The following RFC3 variants were observed in gnomAD, a reference collection of about 807,000 sequenced individuals.
RFC3 encodes the protein replication factor C subunit 3.
RFC3 carries 41 observed loss-of-function variants against 45.1 expected under a neutral mutation model. The observed-to-expected ratio is 0.91, with a 90% CI of 0.71 to 1.18. The LOEUF (loss-of-function observed/expected upper bound fraction) is 1.18. Ranked by LOEUF, RFC3 falls within the 50% of genes most tolerant of loss-of-function variation. The pLI is 0.00. For missense variants in RFC3, 423 were observed against 428.1 expected (o/e 0.99, Z 0.10); for synonymous variants, 149 against 144.0 (o/e 1.03, Z -0.25).
intron 8 of RFC3, among the ~76,000 whole-genome samples, chr13:33,945,880 T>C (rs911078466): frequency 2.0e-5 from 3 of 152,238 alleles, no homozygotes; most frequent in African/African-American, 7.2e-5. Flanking sequence ...CGGGACATCT[T>C]GGAGTCATCT....
intron 8 of RFC3, among the ~76,000 whole-genome samples, chr13:33,911,210 A>G (rs939277064): frequency 2.6e-5 from 4 of 152,076 alleles, no homozygotes. Context: ...CCTCTGTTGA[A>G]CTGAATAGAC....
chr13:33,834,668 A>G (rs1039628369), intron 7 of RFC3, among the ~76,000 whole-genome samples: 1 of 152,010 alleles, frequency 6.6e-6, no homozygotes, highest in Non-Finnish European at 1.5e-5. Flanking sequence ...TCACCTATGT[A>G]ATTGACTTTT....
intron 2 of RFC3, among the ~76,000 whole-genome samples, chr13:33,821,649 A>T (rs909998926): frequency 2.0e-5 from 3 of 152,206 alleles, no homozygotes; most frequent in Non-Finnish European, 4.4e-5. Flanking sequence ...ACATGGTATC[A>T]AGTGACTTGG....
chr13:33,835,992 C>CA, intron 8 of RFC3, 112 bp from the exon 9 acceptor site: 1 of 1,096,872 alleles, frequency 9.1e-7, no homozygotes, highest in Non-Finnish European at 1.3e-6. Context: ...TTAAAGATCT[C>CA]ACACATATAA....
chr13:33,892,812 C>T (rs528687702), intron 8 of RFC3, among the ~76,000 whole-genome samples: 1 of 152,156 alleles, frequency 6.6e-6, no homozygotes, highest in Non-Finnish European at 1.5e-5. Context: ...GAGACAGTCC[C>T]TGGGGCCACA....
chr13:33,928,641 G>A (rs1435637632), intron 8 of RFC3, among the ~76,000 whole-genome samples: 1 of 152,156 alleles, frequency 6.6e-6, no homozygotes, highest in Non-Finnish European at 1.5e-5. Context: ...ATAGGTGGAT[G>A]TGTGCTAGAT....
intron 8 of RFC3, among the ~76,000 whole-genome samples, chr13:33,961,863 G>A (rs2083059294): frequency 6.6e-6 from 1 of 151,998 alleles, no homozygotes. Context: ...AGGATAATGT[G>A]AATTTGACAG....
At chr13:33,923,660 A>G (rs896622602) in intron 8 of RFC3, among the ~76,000 whole-genome samples, 6 of 152,154 alleles carry the variant, frequency 3.9e-5, no homozygotes, top group South Asian at 4.1e-4. Flanking sequence ...GGGAAAGACA[A>G]CCACAGGAGG....
chr13:33,831,203 A>G, intron 6 of RFC3, 53 bp from the exon 7 acceptor site: 3 of 1,134,860 alleles, frequency 2.6e-6, no homozygotes, highest in Admixed American at 1.7e-5. Flanking sequence ...CTCCTGTTTT[A>G]GGACATAAGC....
intron 2 of RFC3, among the ~76,000 whole-genome samples, chr13:33,821,959 T>A (rs2082007536): frequency 6.6e-6 from 1 of 152,264 alleles, no homozygotes; most frequent in Non-Finnish European, 1.5e-5. Context: ...GTATTTGTTT[T>A]GACTGTATGT....
rs765099642 is a variant in RFC3, at chr13:33,818,190, GGTGGA to G, written c.13_17del (p.Val5GlnfsTer28). ...GAACTCGAGCTGCCATGAGCCTCTG[GGTGGA>G]CAAGTATCGGCCCTGCTCCTTGGGA... On this transcript the variant is annotated frameshift_variant, in exon 1 of 9. Transcript: ENST00000380071. LOFTEE classifies it high-confidence loss of function. 5 of 1,613,634 alleles carry G rather than the reference GGTGGA, an allele frequency of 3.1e-6. No homozygotes were observed. The highest frequency in any genetic ancestry group is 4.2e-6 in the Non-Finnish European group (5 of 1,179,944).
chr13:33,832,220 A>G (rs750439471), intron 7 of RFC3, among the ~76,000 whole-genome samples: 1 of 152,182 alleles, frequency 6.6e-6, no homozygotes, highest in African/African-American at 2.4e-5. Flanking sequence ...GCTAAAGCAC[A>G]GTCTCATATC....
rs554578605 is a variant in RFC3, at chr13:33,869,040, G to A, written c.879+33823G>A. On this transcript the variant is annotated intron_variant, in intron 8 of 8. Coordinates refer to the RFC3 transcript ENST00000434425. ...GGGCAGTGGCTAGTGTCAGAATCCT[G>A]GAGGCAAGAACAGGAGGTGTCTGGT... Among the ~76,000 whole-genome samples the A allele has an allele frequency of 1.9e-3, 293 of 152,312 alleles. 1 individual carries two copies. Among genetic ancestry groups the A allele is most frequent in the Middle Eastern group, 6.8e-3 (2 of 294 alleles).
intron 8 of RFC3, among the ~76,000 whole-genome samples, chr13:33,940,575 T>G (rs1005317952): frequency 1.2e-4 from 19 of 152,316 alleles, no homozygotes; most frequent in Admixed American, 1.2e-3. Flanking sequence ...GTCATAGCCA[T>G]TATCTTACTA....
chr13:33,880,948 C>T (rs1290065902), intron 8 of RFC3, among the ~76,000 whole-genome samples: 4 of 151,942 alleles, frequency 2.6e-5, no homozygotes, highest in South Asian at 2.1e-4. Flanking sequence ...CCCAGCTACT[C>T]GGGAGGCTGA....
chr13:33,836,391 TGTC>T lies in RFC3; in HGVS notation c.*99_*101del. On this transcript the variant is annotated 3_prime_UTR_variant, in exon 9 of 9. Coordinates refer to ENST00000380071, the MANE Select transcript of RFC3 (RefSeq NM_002915.4). ...TGGGTAAATTAACTGAACTTAATCA[TGTC>T]GTATTTGCGTTTTTTTGGTAATAAC... The T allele has an allele frequency of 6.6e-7, 1 of 1,512,162 alleles. No individual in the cohort carries two copies. The highest frequency in any genetic ancestry group is 8.8e-7 in the Non-Finnish European group (1 of 1,133,948). The allele number at this position is 1,512,162 out of a possible 1,614,324, so 93.7% of individuals were successfully genotyped here. A position where few individuals can be genotyped will look rare whatever the true frequency, so the allele number is the denominator to read the frequency against.
At position 33,895,677 on chromosome 13, in the gene RFC3, G is replaced by A. The variant is rs116916267; in HGVS notation, c.879+60460G>A. Among the ~76,000 whole-genome samples, 475 of 152,164 alleles carry A rather than the reference G, an allele frequency of 3.1e-3. 4 individuals carry two copies. The highest frequency in any genetic ancestry group is 4.1e-3 in the Non-Finnish European group (276 of 67,982). ...CTTGATATCTATACACAGGGAAAAAGTCGTTATATCATAAAGACAGCTGCA... is the reference window on the plus strand; with the variant it reads ...CTTGATATCTATACACAGGGAAAAAATCGTTATATCATAAAGACAGCTGCA... On this transcript the variant is annotated intron_variant, in intron 8 of 8. Coordinates refer to the RFC3 transcript ENST00000434425.
At chr13:33,846,192 A>G (rs2082235517) in intron 8 of RFC3, 1 of 152,220 alleles carries the variant, frequency 6.6e-6, no homozygotes, top group South Asian at 2.1e-4. Context: ...TATGACCACT[A>G]CCACTGGGAC....
chr13:33,901,430 C>T (rs1164999410), intron 8 of RFC3, among the ~76,000 whole-genome samples: 1 of 151,848 alleles, frequency 6.6e-6, no homozygotes, highest in East Asian at 1.9e-4. Context: ...ATGAGATAAG[C>T]CAAGCACAGA....
Sources: gnomAD v4.1 joint callset for allele counts (sites outside exome capture counted in the v4.1 genomes callset) on GRCh38, gnomAD v4.1.1 for gene constraint, MANE v1.5 for transcripts, NCBI Gene and HGNC (gene_info 2026-07-23, HGNC 2026-07-21) for gene names.